SCMH1: variants seen among roughly 807,000 people sequenced by gnomAD.
SCMH1 encodes the protein polycomb protein SCMH1.
SCMH1 carries 37 observed loss-of-function variants against 70.8 expected under a neutral mutation model. The ratio of observed to expected loss-of-function variants is 0.52; its 90% CI spans 0.40 to 0.69. The LOEUF (loss-of-function observed/expected upper bound fraction) is 0.69. Ranked by LOEUF, SCMH1 falls within the 30% of genes least tolerant of loss-of-function variation. The pLI is 0.00. For missense variants in SCMH1, 607 were observed against 827.3 expected, an observed-to-expected ratio of 0.73 and a Z score of 3.27; for synonymous variants, 292 against 307.4, an observed-to-expected ratio of 0.95 and a Z score of 0.52.
At chr1:41,189,436 G>A (rs1651116814) in intron 1 of SCMH1, among the ~76,000 whole-genome samples, 1 of 152,206 alleles carries the variant, frequency 6.6e-6, no homozygotes, top group African/African-American at 2.4e-5. Flanking sequence ...CAAGGCACGA[G>A]CCACTGCGCC....
chr1:41,070,308 G>A (rs577172307), intron 10 of SCMH1, among the ~76,000 whole-genome samples: 2 of 152,102 alleles, frequency 1.3e-5, no homozygotes, highest in African/African-American at 4.8e-5. Flanking sequence ...AGGTGGAAGG[G>A]ATCACTCAGA....
chr1:41,175,718 T>G (rs1280137050), intron 2 of SCMH1, among the ~76,000 whole-genome samples: 1 of 152,178 alleles, frequency 6.6e-6, no homozygotes, highest in Non-Finnish European at 1.5e-5. Flanking sequence ...TTATGACTTC[T>G]CCCTTTTCTA....
chr1:41,209,975 C>A (rs1573087598), intron 1 of SCMH1, among the ~76,000 whole-genome samples: 1 of 152,308 alleles, frequency 6.6e-6, no homozygotes, highest in East Asian at 1.9e-4. Flanking sequence ...ATCGTCTCAG[C>A]CCAAAGTCTC....
At chr1:41,213,991 G>GA (rs1434552138) in intron 1 of SCMH1, among the ~76,000 whole-genome samples, 1 of 152,044 alleles carries the variant, frequency 6.6e-6, no homozygotes, top group African/African-American at 2.4e-5. Flanking sequence ...AGAGACTACA[G>GA]AAAAACCCAA....
rs763305467 is a variant in SCMH1 at position 41,161,349 on chromosome 1, T to C, written c.82+15A>G. 1.2e-5 allele frequency: 18 copies of C among 1,546,266 alleles called. No homozygotes were observed. Among genetic ancestry groups the C allele is most frequent in the Admixed American group, 2.0e-5 (1 of 49,454 alleles). ...TAAAATTTTTCCACACCAAACGGAG[T>C]TTTTTCCCCCTTACCTTGATATTGG... is the stretch of plus-strand genomic sequence containing the variant. On this transcript the variant is annotated intron_variant, in intron 3 of 14. Coordinates refer to ENST00000337495, the Ensembl canonical transcript of SCMH1.
intron 1 of SCMH1, among the ~76,000 whole-genome samples, chr1:41,193,860 G>C (rs1308668703): frequency 2.0e-5 from 3 of 152,162 alleles, no homozygotes; most frequent in African/African-American, 7.2e-5. Flanking sequence ...GCTATTGAAG[G>C]TCAAGATCTG....
At chr1:41,181,521 A>G (rs1383619848) in intron 2 of SCMH1, among the ~76,000 whole-genome samples, 3 of 152,230 alleles carry the variant, frequency 2.0e-5, no homozygotes, top group African/African-American at 7.2e-5. Context: ...ACACAACCCC[A>G]TCAAAAAGTG....
At chr1:41,132,394 T>G (rs1642495179) in intron 6 of SCMH1, among the ~76,000 whole-genome samples, 3 of 152,202 alleles carry the variant, frequency 2.0e-5, no homozygotes, top group Non-Finnish European at 4.4e-5. Flanking sequence ...TTGATGGGAT[T>G]GTTTGTGTTT....
At chr1:41,051,040 A>C (rs1365053317) in intron 10 of SCMH1, among the ~76,000 whole-genome samples, 1 of 152,190 alleles carries the variant, frequency 6.6e-6, no homozygotes, top group Non-Finnish European at 1.5e-5. Flanking sequence ...ATTCATAATA[A>C]CCCCAAACTA....
At chr1:41,038,148 C>A (rs7518880) in intron 12 of SCMH1, 129,420 of 152,240 alleles carry the variant, frequency 0.85, 55,517 homozygotes, top group East Asian at 0.97. Flanking sequence ...CTTCTCGGAG[C>A]ATGTTAGTCT....
chr1:41,133,487 A>G (rs1037410436), intron 6 of SCMH1, among the ~76,000 whole-genome samples: 22 of 152,322 alleles, frequency 1.4e-4, no homozygotes, highest in African/African-American at 5.1e-4. Flanking sequence ...AAAAAAATCA[A>G]TAAATCCAGG....
At chr1:41,161,527 T>G in intron 2 of SCMH1, 95 bp from the exon 3 acceptor site, 1 of 1,331,752 alleles carries the variant, frequency 7.5e-7, no homozygotes, top group Non-Finnish European at 1.0e-6. Context: ...TTTAATAAAG[T>G]AATCCACTTC....
chr1:41,076,843 A>C (rs1176612074), intron 8 of SCMH1, among the ~76,000 whole-genome samples: 1 of 152,116 alleles, frequency 6.6e-6, no homozygotes, highest in Admixed American at 6.5e-5. Context: ...GTAGCAGTAA[A>C]ATTGTGTAGG....
At chr1:41,050,560 A>G (rs1647718549) in intron 10 of SCMH1, among the ~76,000 whole-genome samples, 1 of 152,222 alleles carries the variant, frequency 6.6e-6, no homozygotes, top group Admixed American at 6.5e-5. Context: ...ATATGTGGAA[A>G]GTGACAGGAG....
At chr1:41,145,895 A>G (rs1644508196) in intron 5 of SCMH1, among the ~76,000 whole-genome samples, 1 of 152,234 alleles carries the variant, frequency 6.6e-6, no homozygotes, top group Admixed American at 6.5e-5. Flanking sequence ...ACAATTATGT[A>G]CAGTACATAA....
At chr1:41,087,869 A>C (rs1662165494) in intron 8 of SCMH1, among the ~76,000 whole-genome samples, 1 of 151,976 alleles carries the variant, frequency 6.6e-6, no homozygotes, top group Non-Finnish European at 1.5e-5. Flanking sequence ...TAAGCAATAC[A>C]TATACAGTAT....
At chr1:41,211,306 A>C (rs181664965) in intron 1 of SCMH1, among the ~76,000 whole-genome samples, 2 of 152,240 alleles carry the variant, frequency 1.3e-5, no homozygotes, top group African/African-American at 4.8e-5. Context: ...TGAAGAACTT[A>C]AACAAATTTA....
chr1:41,064,022 C>T (rs544512426), intron 10 of SCMH1, among the ~76,000 whole-genome samples: 1 of 152,172 alleles, frequency 6.6e-6, no homozygotes, highest in South Asian at 2.1e-4. Context: ...TCAAATTGAA[C>T]AATATAAAAA....
chr1:41,082,980 T>C (rs1042426337), intron 8 of SCMH1, among the ~76,000 whole-genome samples: 4 of 152,164 alleles, frequency 2.6e-5, no homozygotes, highest in African/African-American at 9.7e-5. Flanking sequence ...TATCTCAAAA[T>C]AGTAAGAGCT....
Sources: allele counts gnomAD v4.1 joint callset (sites outside exome capture counted in the v4.1 genomes callset), GRCh38; gene constraint gnomAD v4.1.1; transcripts MANE v1.5; gene names NCBI Gene and HGNC (gene_info 2026-07-23, HGNC 2026-07-21).